Variants in MED13 observed in about 807,000 individuals in gnomAD.
MED13 encodes mediator complex subunit 13, also known as mediator of RNA polymerase II transcription subunit 13.
Under a neutral mutation model 225.2 loss-of-function variants are expected in MED13, and 23 were observed. That is an observed-to-expected ratio of 0.10 (90% confidence interval 0.07 to 0.14). The LOEUF is 0.14. Among genes scored for constraint, MED13 ranks in the 10% least tolerant of loss-of-function variants. The pLI is 1.00. For synonymous variants in MED13, 942 were observed against 889.2 expected (o/e 1.06, Z -1.06); for missense variants, 2,197 against 2,594.5 (o/e 0.85, Z 3.33).
chr17:61,977,406 C>T (rs1051720282), intron 16 of MED13, among the ~76,000 whole-genome samples: 8 of 152,168 alleles, frequency 5.3e-5, no homozygotes, highest in Non-Finnish European at 8.8e-5. Flanking sequence ...CATGATGCTG[C>T]TATAATTTAA....
At position 62,035,580 on chromosome 17, in the gene MED13, A is replaced by C; in HGVS notation, c.499T>G (p.Phe167Val). 1 of 1,613,768 alleles carries C rather than the reference A, an allele frequency of 6.2e-7. No homozygotes were observed. Among genetic ancestry groups the C allele is most frequent in the Non-Finnish European group, 8.5e-7 (1 of 1,179,890 alleles). ...SEHLSCSFTF[F>V]LHGDSNVCTS... is the part of the protein sequence containing the mutation. ...CAAACATTGCTGTCTCCATGCAAGA[A>C]AAAGGTGAAGGAGCAGGACAAGTGT... is the stretch of plus-strand genomic sequence containing the variant. The change falls in exon 4 of 30, where the codon TTC becomes GTC. Residue 167 changes from phenylalanine (F) to valine (V), a missense_variant. Physicochemically the swap from Phe to Val is conservative, Grantham distance 50 (BLOSUM62 -1). This residue lies in a region of MED13 where 884 missense variants were observed against 918.5 expected (regional missense o/e 0.96). Transcript: ENST00000397786.
chr17:61,984,400 T>C (rs2080230931), intron 14 of MED13, 33 bp from the exon 15 acceptor site: 1 of 1,457,482 alleles, frequency 6.9e-7, no homozygotes, highest in East Asian at 2.4e-5. Context: ...TTTCAGTATC[T>C]TATCTTCTAG....
At chr17:62,043,156 C>CAAAAAAAAAAAAAAAAAAAAAAAAAAAA (rs764530614) in intron 3 of MED13, among the ~76,000 whole-genome samples, 5 of 31,662 alleles carry the variant, frequency 1.6e-4, no homozygotes, top group Admixed American at 5.9e-4. Flanking sequence ...ACCCTGTCTC[C>CAAAAAAAAAAAAAAAAAAAAAAAAAAAA]AAAAAAAAAA....
In MED13 at chr17:62,013,515, A is replaced by G. The variant is rs539955511; in HGVS notation, c.1284-2282T>C. ...TTTATATACACTCGGCAAGCAAGGAATAAAAGAAAATTTGCTTGATCTGAT... is the reference window on the plus strand; with the variant it reads ...TTTATATACACTCGGCAAGCAAGGAGTAAAAGAAAATTTGCTTGATCTGAT... On this transcript the variant is annotated intron_variant, in intron 8 of 29. Transcript: ENST00000397786. Among the ~76,000 whole-genome samples, 488 of 151,366 alleles carry G rather than the reference A, an allele frequency of 3.2e-3. 1 individual carries two copies. The highest frequency in any genetic ancestry group is 0.01 in the Middle Eastern group (3 of 294).
intron 9 of MED13, among the ~76,000 whole-genome samples, chr17:61,997,456 CTCTAAA>C (rs2080356132): frequency 6.6e-6 from 1 of 152,102 alleles, no homozygotes; most frequent in African/African-American, 2.4e-5. Flanking sequence ...CCACATTAGA[CTCTAAA>C]TAACGGTTAG....
intron 8 of MED13, among the ~76,000 whole-genome samples, chr17:62,014,538 A>G (rs904538958): frequency 5.9e-5 from 9 of 151,872 alleles, no homozygotes; most frequent in African/African-American, 1.9e-4. Context: ...GCTGGTCTTG[A>G]ACTCTTGACC....
rs1210147907 is a variant in MED13 at position 62,031,598 on chromosome 17, G to A, written c.855C>T (p.Val285=). ...TAGGAGTAGGAATGTCTGACTGAGGGACTAGAACAAAGCATGCTGGGTAGA... is the reference window on the plus strand; with the variant it reads ...TAGGAGTAGGAATGTCTGACTGAGGAACTAGAACAAAGCATGCTGGGTAGA... The part of the protein sequence containing the change: ...RMIYPACFVL[V]PQSDIPTPSP... The change falls in exon 6 of 30, where the codon GTC becomes GTT. Residue 285 remains valine (V), a synonymous_variant. Transcript: ENST00000397786. 5.0e-6 allele frequency: 8 copies of A among 1,612,724 alleles called. No homozygotes were observed. The highest frequency in any genetic ancestry group is 6.8e-6 in the Non-Finnish European group (8 of 1,179,454).
At position 61,982,938 on chromosome 17, in the gene MED13, C is replaced by A. The variant is rs1344987871; in HGVS notation, c.3065G>T (p.Arg1022Leu). 1.9e-6 allele frequency: 3 copies of A among 1,613,986 alleles called. No individual in the cohort carries two copies. The highest frequency in any genetic ancestry group is 1.7e-6 in the Non-Finnish European group (2 of 1,179,992). ...PRTPRTPRTP[R>L]GAGGPASAQG... is the part of the protein sequence containing the mutation. ...AGCACTAGCAGGTCCACCAGCTCCACGAGGAGTCCGAGGAGTCCTTGGAGT... is the reference window on the plus strand; with the variant it reads ...AGCACTAGCAGGTCCACCAGCTCCAAGAGGAGTCCGAGGAGTCCTTGGAGT... The change falls in exon 16 of 30, where the codon CGT (arginine) becomes CTT (leucine). Residue 1022 changes from arginine to leucine, a missense_variant. Around this residue, in one of 12 missense-constraint regions of MED13, gnomAD observed 99 missense variants for 158.5 expected, o/e 0.62. Coordinates refer to ENST00000397786, the MANE Select transcript of MED13 (RefSeq NM_005121.3).
chr17:61,994,101 C>G (rs940932617), intron 10 of MED13, among the ~76,000 whole-genome samples: 5 of 151,678 alleles, frequency 3.3e-5, no homozygotes, highest in African/African-American at 9.7e-5. Flanking sequence ...TGGGTTCAAG[C>G]GATTCTCCTG....
In MED13 at chr17:61,971,004, G is replaced by T. The variant is rs1042284743; in HGVS notation, c.3967+1723C>A. 2.6e-5 allele frequency among the ~76,000 whole-genome samples: 4 copies of T among 151,632 alleles called. No individual in the cohort carries two copies. The East Asian group carries it at 7.7e-4, about 29-fold the overall frequency. On this transcript the variant is annotated intron_variant, in intron 17 of 29. Coordinates refer to ENST00000397786, the MANE Select transcript of MED13 (RefSeq NM_005121.3). ...TGTGCCACTGTACTCCAGCCAGGGT[G>T]ACAGAACAAATCTCAAAAATAATAA...
chr17:61,983,935 C>T (rs529471085), intron 15 of MED13, among the ~76,000 whole-genome samples: 1 of 152,134 alleles, frequency 6.6e-6, no homozygotes, highest in Non-Finnish European at 1.5e-5. Context: ...CGTATGTTGG[C>T]CAGGCTGATC....
chr17:61,968,055 C>G lies in MED13; in HGVS notation c.4171G>C (p.Asp1391His), dbSNP rs1447785075. 1.2e-6 allele frequency: 2 copies of G among 1,612,460 alleles called. No homozygotes were observed. Among genetic ancestry groups the G allele is most frequent in the Non-Finnish European group, 8.5e-7 (1 of 1,178,650 alleles). Residue 1391 changes from aspartate to histidine, a missense_variant, in exon 18 of 30, where the codon GAT becomes CAT. Asp to His is a moderately conservative substitution (Grantham distance 81, BLOSUM62 -1). Transcript: ENST00000397786. ...CCTACCTCATATATTGCAGTAAGATCTCTAAAAAAGCTTTTTGCTCCATTT... is the reference window on the plus strand; with the variant it reads ...CCTACCTCATATATTGCAGTAAGATGTCTAAAAAAGCTTTTTGCTCCATTT... ...LLNGAKSFFR[D>H]LTAIYESCRL...
chr17:62,015,956 T>TA (rs1567980132), intron 8 of MED13, among the ~76,000 whole-genome samples: 42 of 4,844 alleles, frequency 8.7e-3, no homozygotes, highest in Admixed American at 0.019. Flanking sequence ...ATATATATAT[T>TA]TTTTTTTTTT....
Position 61,963,108 on chromosome 17 carries a change from A to G in MED13, c.4845-137T>C, listed in dbSNP as rs1029386716. On this transcript the variant is annotated intron_variant, in intron 20 of 29. Transcript: ENST00000397786. ...GAAAGCCTCTCTAAAAATGAAGGAC[A>G]TTTCTTTCTCGCCAAAATGAACCAT... 14 of 641,720 alleles carry G rather than the reference A, an allele frequency of 2.2e-5. No individual in the cohort carries two copies. In the East Asian group the frequency reaches 4.0e-4, roughly 18 times the overall value. 39.8% of individuals were successfully genotyped at this position (641,720 alleles called of 1,614,324 possible).
chr17:61,967,980 C>G, intron 18 of MED13, 55 bp downstream of exon 18: 2 of 1,389,724 alleles, frequency 1.4e-6, no homozygotes, highest in Admixed American at 1.7e-5. Flanking sequence ...GCTGTATATA[C>G]AACAATACAA....
chr17:62,029,265 T>C (rs1452699145), intron 8 of MED13: 1 of 425,082 alleles, frequency 2.4e-6, no homozygotes, highest in East Asian at 4.0e-5. Flanking sequence ...AGATACTATA[T>C]ATACCATAGC....
rs140534230 is a variant in MED13, at chr17:62,013,940, G to C, written c.1284-2707C>G. Among the ~76,000 whole-genome samples the C allele has an allele frequency of 1.2e-4, 19 of 152,206 alleles. No homozygotes were observed. In the South Asian group the frequency reaches 1.9e-3, roughly 15 times the overall value. ...TGTAATCCCAGCTACTCAGGAGGCT[G>C]AGGCAGAAGAATCGCTTCAACCCAG... is the stretch of plus-strand genomic sequence containing the variant. On this transcript the variant is annotated intron_variant, in intron 8 of 29. Coordinates refer to ENST00000397786, the MANE Select transcript of MED13 (RefSeq NM_005121.3).
chr17:62,026,825 A>G (rs2080707158), intron 8 of MED13, among the ~76,000 whole-genome samples: 2 of 152,168 alleles, frequency 1.3e-5, no homozygotes, highest in African/African-American at 4.8e-5. Flanking sequence ...CAGAAATGCA[A>G]TCCCAGTCAC....
At position 61,968,208 on chromosome 17, in the gene MED13, A is replaced by T. The variant is rs1603393597; in HGVS notation, c.4018T>A (p.Tyr1340Asn). Residue 1340 changes from tyrosine to asparagine, a missense_variant, in exon 18 of 30, where the codon TAT becomes AAT. Physicochemically the swap from Tyr to Asn is moderately radical, Grantham distance 143. This residue lies in a region of MED13 where 47 missense variants were observed against 93.8 expected (regional missense o/e 0.50). Transcript: ENST00000397786. Reference protein sequence around the residue: ...PLPIPTFLLGYDYDYLVLSPF... With the variant: ...PLPIPTFLLGNDYDYLVLSPF... ...GAAAGCACCAGATAATCATAATCAT[A>T]ACCCAACAAAAATGTGGGGATTGGC... The T allele has an allele frequency of 2.5e-6, 4 of 1,614,152 alleles. No individual in the cohort carries two copies. The East Asian group carries it at 8.9e-5, about 36-fold the overall frequency.
Sources: gnomAD v4.1 joint callset for allele counts (sites outside exome capture counted in the v4.1 genomes callset) on GRCh38, gnomAD v4.1.1 for gene constraint, gnomAD v4.1.1 regional missense constraint, MANE v1.5 for transcripts, NCBI Gene and HGNC (gene_info 2026-07-23, HGNC 2026-07-21) for gene names.